ASB3: variants seen among roughly 807,000 people sequenced by gnomAD.
ASB3 encodes the protein ankyrin repeat and SOCS box protein 3.
A neutral mutation model predicts 54.5 loss-of-function variants in ASB3; 41 were observed. That is an observed-to-expected ratio of 0.75 (90% CI 0.59 to 0.98). The LOEUF (loss-of-function observed/expected upper bound fraction) is 0.98, where lower values mean the gene tolerates loss of function less well. ASB3 is among the 50% of genes least tolerant of loss of function. The pLI, the probability that ASB3 is intolerant of heterozygous loss-of-function variation, is 0.00. For missense variants in ASB3, 733 were observed against 620.0 expected (o/e 1.18, Z -1.94); for synonymous variants, 266 against 221.2 (o/e 1.20, Z -1.80).
chr2:53,736,600 G>A (rs1572937838), intron 3 of ASB3, among the ~76,000 whole-genome samples: 1 of 151,964 alleles, frequency 6.6e-6, no homozygotes, highest in South Asian at 2.1e-4. Flanking sequence ...TTGGGAGGCC[G>A]AGGCAGGAGA....
At chr2:53,710,083 T>C (rs1481964295) in intron 7 of ASB3, among the ~76,000 whole-genome samples, 1 of 152,208 alleles carries the variant, frequency 6.6e-6, no homozygotes, top group Admixed American at 6.5e-5. Context: ...CTTCATCTGA[T>C]ATTTAATGCA....
intron 8 of ASB3, 154 bp from the exon 9 acceptor site, chr2:53,694,168 G>T: frequency 4.0e-6 from 3 of 747,582 alleles, no homozygotes; most frequent in Non-Finnish European, 6.3e-6. Context: ...CTAGAGGCAA[G>T]ATCAGAGGAT....
chr2:53,717,658 G>C (rs914126083), intron 5 of ASB3, among the ~76,000 whole-genome samples: 1 of 152,116 alleles, frequency 6.6e-6, no homozygotes, highest in East Asian at 1.9e-4. Flanking sequence ...ACCACTGAAG[G>C]ATCACAGTCG....
At chr2:53,760,533 AG>A (rs1203354691) in intron 2 of ASB3, among the ~76,000 whole-genome samples, 1 of 152,248 alleles carries the variant, frequency 6.6e-6, no homozygotes, top group Non-Finnish European at 1.5e-5. Context: ...AGTACTCAGC[AG>A]AAGAAATAGA....
At position 53,729,502 on chromosome 2, in the gene ASB3, G is replaced by A; in HGVS notation, c.424C>T (p.His142Tyr). 2.5e-6 allele frequency: 4 copies of A among 1,613,858 alleles called. No individual in the cohort carries two copies. Among genetic ancestry groups the A allele is most frequent in the Non-Finnish European group, 3.4e-6 (4 of 1,179,812 alleles). Residue 142 changes from histidine (H) to tyrosine (Y), a missense_variant, in exon 4 of 10, where the codon CAT becomes TAT. By Grantham distance (83) the His-to-Tyr change is moderately conservative. Coordinates refer to ENST00000263634, the MANE Select transcript of ASB3 (RefSeq NM_016115.5). ...LQHGANVNGS[H>Y]SMCGWNSLHQ... ...AAGGAGTTCCATCCACACATAGAAT[G>A]GGATCCATTAACATTTGCTCCGTGT...
chr2:53,757,265 T>C (rs1279405331), intron 2 of ASB3, among the ~76,000 whole-genome samples: 3 of 152,212 alleles, frequency 2.0e-5, no homozygotes, highest in Admixed American at 1.3e-4. Context: ...TGTGAGGCTA[T>C]CTGGGAAAGG....
At chr2:53,700,755 TA>T (rs1436571994) in intron 7 of ASB3, among the ~76,000 whole-genome samples, 9 of 152,172 alleles carry the variant, frequency 5.9e-5, no homozygotes, top group Non-Finnish European at 1.2e-4. Flanking sequence ...GGTATTATTA[TA>T]ATTTAAAACA....
At chr2:53,781,758 G>C (rs1203173000) in intron 1 of ASB3, among the ~76,000 whole-genome samples, 2 of 152,064 alleles carry the variant, frequency 1.3e-5, no homozygotes, top group Non-Finnish European at 2.9e-5. Context: ...GCCTCCCAAA[G>C]TGCTGGGATT....
At chr2:53,745,033 A>G (rs1402951658) in intron 3 of ASB3, among the ~76,000 whole-genome samples, 1 of 152,224 alleles carries the variant, frequency 6.6e-6, no homozygotes, top group African/African-American at 2.4e-5. Flanking sequence ...ATGAAATCAC[A>G]CTAGTTTGGA....
intron 5 of ASB3, among the ~76,000 whole-genome samples, chr2:53,717,472 A>T (rs1309654862): frequency 6.6e-6 from 1 of 152,190 alleles, no homozygotes; most frequent in Non-Finnish European, 1.5e-5. Context: ...TTCTGAGTTG[A>T]TATTTAAAAT....
intron 7 of ASB3, among the ~76,000 whole-genome samples, chr2:53,711,926 A>G (rs1438096100): frequency 6.6e-6 from 1 of 152,134 alleles, no homozygotes; most frequent in Non-Finnish European, 1.5e-5. Flanking sequence ...TGTAGTCATT[A>G]GAGAGAAAGA....
At chr2:53,751,842 C>T (rs1363804554) in intron 2 of ASB3, among the ~76,000 whole-genome samples, 4 of 152,122 alleles carry the variant, frequency 2.6e-5, no homozygotes, top group African/African-American at 9.7e-5. Context: ...TCAAAGAAAA[C>T]AGTCTCAAAC....
intron 5 of ASB3, among the ~76,000 whole-genome samples, chr2:53,718,785 A>G (rs1670537426): frequency 6.6e-6 from 1 of 152,100 alleles, no homozygotes; most frequent in South Asian, 2.1e-4. Context: ...AAGAAAGAAA[A>G]AAGACCCATC....
chr2:53,752,404 C>CA (rs1401460701), intron 2 of ASB3, among the ~76,000 whole-genome samples: 1 of 152,156 alleles, frequency 6.6e-6, no homozygotes, highest in East Asian at 1.9e-4. Flanking sequence ...AACAGGTTCC[C>CA]ACCCCACAGA....
chr2:53,690,570 A>C (rs1668860041), intron 9 of ASB3, among the ~76,000 whole-genome samples: 1 of 152,162 alleles, frequency 6.6e-6, no homozygotes, highest in African/African-American at 2.4e-5. Flanking sequence ...GGTTTATTTT[A>C]TCTTATGAAC....
intron 9 of ASB3, among the ~76,000 whole-genome samples, chr2:53,691,084 T>A (rs1159510507): frequency 6.6e-6 from 1 of 152,208 alleles, no homozygotes; most frequent in Non-Finnish European, 1.5e-5. Context: ...ATTAAAAGAT[T>A]GTTACTGAAA....
At chr2:53,765,896 C>T (rs531884681) in intron 1 of ASB3, among the ~76,000 whole-genome samples, 8 of 152,244 alleles carry the variant, frequency 5.3e-5, no homozygotes, top group South Asian at 4.2e-4. Flanking sequence ...CCCACCACAA[C>T]GCATTCTTTG....
chr2:53,680,811 A>G (rs1243236720), intron 9 of ASB3, among the ~76,000 whole-genome samples: 1 of 152,066 alleles, frequency 6.6e-6, no homozygotes, highest in East Asian at 1.9e-4. Context: ...TATCAAATAG[A>G]TCTTATTCAT....
intron 1 of ASB3, among the ~76,000 whole-genome samples, chr2:53,781,679 G>A (rs879858723): frequency 6.6e-6 from 1 of 152,152 alleles, no homozygotes; most frequent in South Asian, 2.1e-4. Context: ...ATTTTCAGGA[G>A]AGACAGGGTT....
Sources: gnomAD v4.1 joint callset for allele counts (sites outside exome capture counted in the v4.1 genomes callset) on GRCh38, gnomAD v4.1.1 for gene constraint, MANE v1.5 for transcripts, NCBI Gene and HGNC (gene_info 2026-07-23, HGNC 2026-07-21) for gene names.